CTNNA3: variants seen among roughly 807,000 people sequenced by gnomAD.
CTNNA3 encodes the protein catenin alpha-3.
A neutral mutation model predicts 95.7 loss-of-function variants in CTNNA3; 76 were observed. The ratio of observed to expected loss-of-function variants is 0.79; its 90% confidence interval spans 0.66 to 0.96. The LOEUF is 0.96. Ranked by LOEUF, CTNNA3 falls within the 40% of genes least tolerant of loss-of-function variation. CTNNA3 has a pLI of 0.00. For missense variants in CTNNA3, 1,191 were observed against 1,089.8 expected (o/e 1.09, Z -1.31); for synonymous variants, 431 against 374.4 (o/e 1.15, Z -1.74).
chr10:66,476,794 G>T (rs1280207191), intron 11 of CTNNA3, among the ~76,000 whole-genome samples: 1 of 151,980 alleles, frequency 6.6e-6, no homozygotes. Flanking sequence ...CCTTAGAATT[G>T]ATTATTCTCT....
intron 7 of CTNNA3, among the ~76,000 whole-genome samples, chr10:66,786,141 GCTC>G (rs1463529697): frequency 6.6e-6 from 1 of 152,132 alleles, no homozygotes; most frequent in Non-Finnish European, 1.5e-5. Context: ...AGTGGGCAGA[GCTC>G]CCTGTAGTTG....
At chr10:66,645,680 C>T (rs116287743) in intron 9 of CTNNA3, among the ~76,000 whole-genome samples, 3,643 of 152,206 alleles carry the variant, frequency 0.024, 152 homozygotes, top group African/African-American at 0.084. Flanking sequence ...GTCAGATCAG[C>T]GGTGGCATTA....
At chr10:66,523,792 C>G (rs1271435579) in intron 10 of CTNNA3, among the ~76,000 whole-genome samples, 1 of 152,076 alleles carries the variant, frequency 6.6e-6, no homozygotes, top group Non-Finnish European at 1.5e-5. Context: ...TCTATTTGCT[C>G]TTAGACATTC....
chr10:66,003,545 AC>A (rs921218956), intron 15 of CTNNA3, among the ~76,000 whole-genome samples: 26 of 152,144 alleles, frequency 1.7e-4, no homozygotes, highest in African/African-American at 6.3e-4. Context: ...CCAAGAAAAA[AC>A]ACAAAACCCA....
chr10:66,983,506 T>TG (rs2132892916), intron 7 of CTNNA3, among the ~76,000 whole-genome samples: 1 of 150,288 alleles, frequency 6.7e-6, no homozygotes, highest in South Asian at 2.1e-4. Context: ...TTTGTGATTG[T>TG]GGTTCTTAAT....
intron 17 of CTNNA3, among the ~76,000 whole-genome samples, chr10:65,948,895 C>A (rs977585747): frequency 6.6e-6 from 1 of 152,152 alleles, no homozygotes; most frequent in Non-Finnish European, 1.5e-5. Flanking sequence ...ACTATAATTA[C>A]TTATTAATTT....
chr10:67,410,761 T>C (rs1370887188), intron 5 of CTNNA3, among the ~76,000 whole-genome samples: 2 of 151,926 alleles, frequency 1.3e-5, no homozygotes, highest in Non-Finnish European at 2.9e-5. Flanking sequence ...AGATTTCTGC[T>C]CCCCTATGTT....
chr10:66,714,964 C>G (rs994391143), intron 9 of CTNNA3, among the ~76,000 whole-genome samples: 1 of 152,052 alleles, frequency 6.6e-6, no homozygotes, highest in African/African-American at 2.4e-5. Context: ...TCCTTCCCAC[C>G]CAGTGTTTTA....
At chr10:66,974,583 A>G (rs1241020867) in intron 7 of CTNNA3, among the ~76,000 whole-genome samples, 1 of 152,172 alleles carries the variant, frequency 6.6e-6, no homozygotes, top group East Asian at 1.9e-4. Context: ...AATCTTCTAA[A>G]CTGTTCTTCA....
chr10:67,071,775 C>T (rs1043905277), intron 7 of CTNNA3, among the ~76,000 whole-genome samples: 1 of 152,102 alleles, frequency 6.6e-6, no homozygotes, highest in African/African-American at 2.4e-5. Context: ...AACACAAATA[C>T]CATTTACACA....
intron 5 of CTNNA3, among the ~76,000 whole-genome samples, chr10:67,412,181 A>G (rs982693703): frequency 1.3e-5 from 2 of 152,182 alleles, no homozygotes; most frequent in East Asian, 3.9e-4. Context: ...AGTATATTAT[A>G]TGTATTTAAA....
At chr10:65,982,937 T>A (rs565295207) in intron 16 of CTNNA3, among the ~76,000 whole-genome samples, 7 of 151,570 alleles carry the variant, frequency 4.6e-5, no homozygotes, top group Admixed American at 4.6e-4. Context: ...TGAAATAATT[T>A]TTTTGCCTCT....
chr10:66,089,152 T>C (rs1379713581), intron 14 of CTNNA3, among the ~76,000 whole-genome samples: 1 of 151,940 alleles, frequency 6.6e-6, no homozygotes, highest in Non-Finnish European at 1.5e-5. Flanking sequence ...TCCTTTACCA[T>C]CCTAAAGTCA....
intron 13 of CTNNA3, among the ~76,000 whole-genome samples, chr10:66,249,067 A>G (rs1404117684): frequency 6.6e-6 from 1 of 152,198 alleles, no homozygotes; most frequent in East Asian, 1.9e-4. Context: ...AGTCTCTTCA[A>G]TAAATGGTGC....
At chr10:67,047,870 T>TAAAAACAA (rs1233230222) in intron 7 of CTNNA3, among the ~76,000 whole-genome samples, 1 of 151,926 alleles carries the variant, frequency 6.6e-6, no homozygotes, top group African/African-American at 2.4e-5. Context: ...AATGTCATCC[T>TAAAAACAA]AAAAACAAAA....
At chr10:66,435,912 A>G (rs1188271210) in intron 11 of CTNNA3, among the ~76,000 whole-genome samples, 3 of 152,018 alleles carry the variant, frequency 2.0e-5, no homozygotes, top group African/African-American at 7.3e-5. Flanking sequence ...GAACTTATTT[A>G]TTTCTGCCTT....
intron 15 of CTNNA3, among the ~76,000 whole-genome samples, chr10:66,038,246 TCTTA>T (rs2079607659): frequency 6.6e-6 from 1 of 152,234 alleles, no homozygotes; most frequent in African/African-American, 2.4e-5. Context: ...TGGATATCTT[TCTTA>T]CTTGAAGTGT....
intron 5 of CTNNA3, among the ~76,000 whole-genome samples, chr10:67,294,002 T>C (rs372169394): frequency 1.3e-5 from 2 of 152,266 alleles, no homozygotes; most frequent in East Asian, 3.9e-4. Context: ...TTTTAAGTGC[T>C]CTAGGTTCAA....
chr10:66,791,407 T>G (rs760262869), intron 7 of CTNNA3, among the ~76,000 whole-genome samples: 1 of 152,212 alleles, frequency 6.6e-6, no homozygotes, highest in Non-Finnish European at 1.5e-5. Context: ...GCTCTGGTCA[T>G]ACTGATCCCT....
Sources: gnomAD v4.1 joint callset for allele counts (sites outside exome capture counted in the v4.1 genomes callset) on GRCh38, gnomAD v4.1.1 for gene constraint, MANE v1.5 for transcripts, NCBI Gene and HGNC (gene_info 2026-07-23, HGNC 2026-07-21) for gene names.